Variants in LTBP1 observed in about 807,000 individuals in gnomAD.
LTBP1 encodes the protein latent-transforming growth factor beta-binding protein 1.
In LTBP1, 129 loss-of-function variants were observed where a neutral mutation model predicts 207.6. The observed-to-expected ratio is 0.62, with a 90% CI of 0.54 to 0.72. LTBP1 has a LOEUF of 0.72. Among genes scored for constraint, LTBP1 ranks in the 30% least tolerant of loss-of-function variants. LTBP1 has a pLI of 0.00. For missense variants in LTBP1, 2,281 were observed against 2,217.2 expected, an observed-to-expected ratio of 1.03 and a Z score of -0.58; for synonymous variants, 963 against 833.7, an observed-to-expected ratio of 1.16 and a Z score of -2.67.
chr2:33,126,215 C>T (rs1259080716), intron 4 of LTBP1, among the ~76,000 whole-genome samples: 1 of 152,106 alleles, frequency 6.6e-6, no homozygotes, highest in Non-Finnish European at 1.5e-5. Flanking sequence ...AGTTGCAAAG[C>T]ATCATTCCAT....
At chr2:33,031,704 A>G (rs1279390539) in intron 3 of LTBP1, among the ~76,000 whole-genome samples, 3 of 152,184 alleles carry the variant, frequency 2.0e-5, no homozygotes, top group African/African-American at 7.2e-5. Flanking sequence ...GGTGGGAATG[A>G]TTCTCCTGTT....
At chr2:33,344,083 T>C (rs915925642) in intron 25 of LTBP1, among the ~76,000 whole-genome samples, 3 of 152,216 alleles carry the variant, frequency 2.0e-5, no homozygotes, top group African/African-American at 7.2e-5. Flanking sequence ...GAAAACAAGA[T>C]TTTTAAGGTT....
chr2:33,270,718 G>GT (rs2093301938), intron 15 of LTBP1, among the ~76,000 whole-genome samples: 1 of 151,892 alleles, frequency 6.6e-6, no homozygotes, highest in South Asian at 2.1e-4. Context: ...TAGAAATCAA[G>GT]TATGTTTCAG....
Position 33,368,555 on chromosome 2 carries a change from C to T in LTBP1, c.4711+3052C>T, listed in dbSNP as rs1303142835. On this transcript the variant is annotated intron_variant, in intron 31 of 33. Coordinates refer to ENST00000404816, the MANE Select transcript of LTBP1 (RefSeq NM_206943.4). ...AAGAAAATTTTGACAAATAAAAATACCAGGCTAAGTGTGTACACTTTAAAT... is the reference window on the plus strand; with the variant it reads ...AAGAAAATTTTGACAAATAAAAATATCAGGCTAAGTGTGTACACTTTAAAT... 3.9e-5 allele frequency among the ~76,000 whole-genome samples: 6 copies of T among 152,312 alleles called. No individual in the cohort carries two copies. In the East Asian group the frequency reaches 1.2e-3, roughly 29 times the overall value.
intron 3 of LTBP1, among the ~76,000 whole-genome samples, chr2:33,037,416 C>T (rs913306801): frequency 7.2e-5 from 11 of 152,102 alleles, no homozygotes; most frequent in African/African-American, 2.4e-4. Flanking sequence ...TTCTGTTATA[C>T]CCACTGTCAT....
chr2:33,391,936 T>C (rs79318703), intron 32 of LTBP1, among the ~76,000 whole-genome samples: 2,312 of 152,324 alleles, frequency 0.015, 25 homozygotes, highest in Admixed American at 0.023. Context: ...TTACATTTCT[T>C]ACAAGTTGCA....
intron 15 of LTBP1, among the ~76,000 whole-genome samples, chr2:33,266,502 C>T (rs984059766): frequency 2.3e-4 from 35 of 152,144 alleles, no homozygotes; most frequent in African/African-American, 7.2e-4. Context: ...GTGTAGTCCA[C>T]GGTCCAGAGT....
At chr2:33,290,818 G>A (rs1029513093) in intron 19 of LTBP1, among the ~76,000 whole-genome samples, 10 of 152,148 alleles carry the variant, frequency 6.6e-5, no homozygotes, top group Non-Finnish European at 1.5e-4. Context: ...AAGACTCAGA[G>A]GTACCTGGGG....
chr2:33,353,859 C>CATTTTTTTTTT (rs777108878), intron 26 of LTBP1, among the ~76,000 whole-genome samples: 1 of 113,114 alleles, frequency 8.8e-6, no homozygotes. Flanking sequence ...TGCATGTACG[C>CATTTTTTTTTT]CTTTTTTTTT....
rs757976777 is a variant in LTBP1 at position 33,257,507 on chromosome 2, A to G, written c.2391A>G (p.Pro797=). The part of the protein sequence containing the change: ...SREHGPGVAE[P]EVATAPPEKE... ...AACACGGGCCAGGAGTGGCGGAGCC[A>G]GAAGGTGAGAGCGGTAATGGATCAT... The change falls in exon 12 of 34, where the codon CCA becomes CCG. Residue 797 remains proline (P), a synonymous_variant. Coordinates refer to ENST00000404816, the MANE Select transcript of LTBP1 (RefSeq NM_206943.4). 3.5e-5 allele frequency: 56 copies of G among 1,613,440 alleles called. No individual in the cohort carries two copies. In the South Asian group the frequency reaches 4.7e-4, roughly 14 times the overall value.
chr2:33,397,455 A>G (rs1207239661), intron 33 of LTBP1, among the ~76,000 whole-genome samples, 173 bp downstream of exon 33: 1 of 151,430 alleles, frequency 6.6e-6, no homozygotes, highest in Non-Finnish European at 1.5e-5. Flanking sequence ...TGGACTATAT[A>G]CTTAAAAATG....
chr2:33,148,082 G>A (rs2083199484), intron 5 of LTBP1, among the ~76,000 whole-genome samples: 3 of 152,192 alleles, frequency 2.0e-5, no homozygotes, highest in African/African-American at 7.2e-5. Context: ...TGCCAATAGT[G>A]TGGTGGTCTT....
chr2:33,351,294 A>G (rs1045864742), intron 26 of LTBP1, among the ~76,000 whole-genome samples: 1 of 152,170 alleles, frequency 6.6e-6, no homozygotes, highest in Non-Finnish European at 1.5e-5. Flanking sequence ...CTGAAATGTC[A>G]TTCTTAAGGT....
intron 24 of LTBP1, among the ~76,000 whole-genome samples, chr2:33,331,710 G>C (rs765637955): frequency 5.9e-5 from 9 of 152,104 alleles, no homozygotes; most frequent in Non-Finnish European, 1.0e-4. Context: ...CAGTTTGTAA[G>C]TTGTGTTGTT....
At chr2:33,152,323 C>A (rs936367658) in intron 5 of LTBP1, among the ~76,000 whole-genome samples, 5 of 152,144 alleles carry the variant, frequency 3.3e-5, no homozygotes, top group Non-Finnish European at 7.4e-5. Context: ...AAGTACTCAG[C>A]ATCACTAATG....
intron 22 of LTBP1, among the ~76,000 whole-genome samples, chr2:33,307,436 A>G (rs2094116229): frequency 6.6e-6 from 1 of 152,230 alleles, no homozygotes; most frequent in Non-Finnish European, 1.5e-5. Flanking sequence ...CATTCATCCA[A>G]TGGAATTCTA....
At chr2:33,126,314 C>G (rs1387254636) in intron 4 of LTBP1, among the ~76,000 whole-genome samples, 2 of 152,116 alleles carry the variant, frequency 1.3e-5, no homozygotes, top group Non-Finnish European at 2.9e-5. Context: ...AGCAATCCTC[C>G]CCCTCAGCCT....
chr2:33,044,911 T>G lies in LTBP1; in HGVS notation c.863+23705T>G, dbSNP rs537377109. On this transcript the variant is annotated intron_variant, in intron 3 of 33. Transcript: ENST00000404816. ...TGTGTTGGCCGCATGAATGTCTTCTTTAGAGAAGTGTCTGTTCATATCCTT... is the reference window on the plus strand; with the variant it reads ...TGTGTTGGCCGCATGAATGTCTTCTGTAGAGAAGTGTCTGTTCATATCCTT... Among the ~76,000 whole-genome samples the G allele has an allele frequency of 3.9e-5, 6 of 152,324 alleles. No homozygotes were observed. The East Asian group carries it at 9.7e-4, about 25-fold the overall frequency.
chr2:33,326,596 C>CT (rs1187514199), intron 24 of LTBP1, among the ~76,000 whole-genome samples: 1 of 149,388 alleles, frequency 6.7e-6, no homozygotes, highest in Non-Finnish European at 1.5e-5. Context: ...ATTTACCCTG[C>CT]TTTTTTGTCT....
Sources: allele counts gnomAD v4.1 joint callset (sites outside exome capture counted in the v4.1 genomes callset), GRCh38; gene constraint gnomAD v4.1.1; transcripts MANE v1.5; gene names NCBI Gene and HGNC (gene_info 2026-07-23, HGNC 2026-07-21).